The following MYCL variants were observed in gnomAD, a reference collection of about 807,000 sequenced individuals.
MYCL encodes the protein protein L-Myc.
In MYCL, 11 loss-of-function variants were observed where a neutral mutation model predicts 31.0. The ratio of observed to expected loss-of-function variants is 0.35; its 90% CI spans 0.22 to 0.59. The LOEUF is 0.59. Ranked by LOEUF, MYCL falls within the 20% of genes least tolerant of loss-of-function variation. The pLI is 0.79. For synonymous variants in MYCL, 208 were observed against 202.4 expected (o/e 1.03, Z -0.23); for missense variants, 427 against 486.1 (o/e 0.88, Z 1.14).
chr1:39,897,771 A>G lies in MYCL; in HGVS notation c.696T>C (p.Gly232=), dbSNP rs760180043. The G allele has an allele frequency of 1.1e-5, 18 of 1,613,446 alleles. No homozygotes were observed. The East Asian group carries it at 3.8e-4, about 34-fold the overall frequency. Residue 232 remains glycine (G), a synonymous_variant, in exon 2 of 2, where the codon GGT becomes GGC. Transcript: ENST00000372816. The surrounding 1 kb of genome is among the most constrained non-coding windows in gnomAD (Gnocchi z 4.3). The part of the protein sequence containing the change: ...SCSQEEASER[G]PQEEVLERDA... ...CTCTCTCCAGAACCTCTTCTTGGGG[A>G]CCCCTCTCTGAAGCCTCTTCTTGGG...
At position 39,895,774 on chromosome 1, in the gene MYCL, C is replaced by T. The variant is rs1644477103; in HGVS notation, c.*1598G>A. ...AGTCAGCTGGCTTTTGTAAACCATG[C>T]TCCAGAAGGGTAGAGAGGCTATTTC... is the stretch of plus-strand genomic sequence containing the variant. On this transcript the variant is annotated 3_prime_UTR_variant, in exon 2 of 2. Coordinates refer to ENST00000372816, the MANE Select transcript of MYCL (RefSeq NM_001033081.3). 4.4e-6 allele frequency: 1 copy of T among 226,708 alleles called. No homozygotes were observed. Among genetic ancestry groups the T allele is most frequent in the Admixed American group, 5.7e-5 (1 of 17,554 alleles). 14.0% of individuals were successfully genotyped at this position (226,708 alleles called of 1,614,324 possible).
At position 39,900,941 on chromosome 1, in the gene MYCL, G is replaced by A. The variant is rs1644530790; in HGVS notation, c.494C>T (p.Ser165Leu). ...ACSGSESPSD[S>L]ENEEIDVVTV... ...GGATGGCTCGGGGAGGTCCTTACCCGAGTCGCTTGGGCTCTCGGACCCGGA... is the reference window on the plus strand; with the variant it reads ...GGATGGCTCGGGGAGGTCCTTACCCAAGTCGCTTGGGCTCTCGGACCCGGA... The change falls in exon 1 of 2, where the codon TCG (serine) becomes TTG (leucine). Residue 165 changes from serine (S) to leucine (L), a missense_variant and splice_region_variant. Ser to Leu is a moderately radical substitution (Grantham distance 145, BLOSUM62 -2). Coordinates refer to ENST00000372816, the MANE Select transcript of MYCL (RefSeq NM_001033081.3). 1 of 1,501,384 alleles carries A rather than the reference G, an allele frequency of 6.7e-7. No homozygotes were observed. Among genetic ancestry groups the A allele is most frequent in the Non-Finnish European group, 8.9e-7 (1 of 1,126,246 alleles). The allele number at this position is 1,501,384 out of a possible 1,614,324, so 93.0% of individuals were successfully genotyped here.
rs373316793 is a variant in MYCL at position 39,897,957 on chromosome 1, A to T, written c.510T>A (p.Ile170=). The T allele has an allele frequency of 9.1e-5, 146 of 1,612,466 alleles. 1 individual carries two copies. Among genetic ancestry groups the T allele is most frequent in the Non-Finnish European group, 1.2e-4 (136 of 1,179,052 alleles). Residue 170 remains isoleucine, a synonymous_variant, in exon 2 of 2, where the codon ATT becomes ATA. Transcript: ENST00000372816. This position sits in a 1 kb window ranked among gnomAD's most constrained non-coding sequence, Gnocchi z 4.3. ...ESPSDSENEE[I]DVVTVEKRQS... is the part of the protein sequence containing the mutation. ...GCCTCTTCTCTACTGTCACAACATCAATTTCTTCATTCTCTGTCCGAGAAA... is the reference window on the plus strand; with the variant it reads ...GCCTCTTCTCTACTGTCACAACATCTATTTCTTCATTCTCTGTCCGAGAAA...
In MYCL at chr1:39,901,007, G is replaced by C. The variant is rs777173419; in HGVS notation, c.428C>G (p.Ala143Gly). Residue 143 changes from alanine to glycine, a missense_variant, in exon 1 of 2, where the codon GCC becomes GGC. Transcript: ENST00000372816. The surrounding 1 kb of genome is among the most constrained non-coding windows in gnomAD (Gnocchi z 6.9). ...PSLEAGNPAP[A>G]APCPLGEPKT... is the part of the protein sequence containing the mutation. Reference sequence around the variant, plus strand: ...GGGTTCGCCCAGCGGACAGGGGGCGGCGGGCGCCGGGTTGCCGGCTTCGAG... The same window carrying C: ...GGGTTCGCCCAGCGGACAGGGGGCGCCGGGCGCCGGGTTGCCGGCTTCGAG... 46 of 1,489,288 alleles carry C rather than the reference G, an allele frequency of 3.1e-5. No homozygotes were observed. The highest frequency in any genetic ancestry group is 3.7e-5 in the Non-Finnish European group (41 of 1,120,866). 92.3% of individuals were successfully genotyped at this position (1,489,288 alleles called of 1,614,324 possible).
At position 39,897,885 on chromosome 1, in the gene MYCL, G is replaced by C; in HGVS notation, c.582C>G (p.Asp194Glu). ...RKPVTITVRA[D>E]PLDPCMKHFH... ...AATGCTTCATGCAGGGATCCAGGGGGTCTGCTCGCACCGTGATGGTGACCG... is the reference window on the plus strand; with the variant it reads ...AATGCTTCATGCAGGGATCCAGGGGCTCTGCTCGCACCGTGATGGTGACCG... The change falls in exon 2 of 2, where the codon GAC (aspartate) becomes GAG (glutamate). Residue 194 changes from aspartate (D) to glutamate (E), a missense_variant. Transcript: ENST00000372816. The surrounding 1 kb of genome is among the most constrained non-coding windows in gnomAD (Gnocchi z 4.3). 6.2e-7 allele frequency: 1 copy of C among 1,614,158 alleles called. No individual in the cohort carries two copies. Among genetic ancestry groups the C allele is most frequent in the Admixed American group, 1.7e-5 (1 of 60,018 alleles).
chr1:39,900,608 G>T (rs776088770), intron 1 of MYCL: 65 of 1,240,706 alleles, frequency 5.2e-5, no homozygotes, highest in Non-Finnish European at 6.3e-5. Flanking sequence ...TTCAGGTTTG[G>T]AGTGTCTCTT....
chr1:39,897,897 C>T lies in MYCL; in HGVS notation c.570G>A (p.Thr190=), dbSNP rs376480511. 124 of 1,614,032 alleles carry T rather than the reference C, an allele frequency of 7.7e-5. No homozygotes were observed. Among genetic ancestry groups the T allele is most frequent in the Admixed American group, 1.0e-4 (6 of 59,992 alleles). The part of the protein sequence containing the change: ...SLGIRKPVTI[T]VRADPLDPCM... Reference sequence around the variant, plus strand: ...AGGGATCCAGGGGGTCTGCTCGCACCGTGATGGTGACCGGCTTCCGAATAC... The same window carrying T: ...AGGGATCCAGGGGGTCTGCTCGCACTGTGATGGTGACCGGCTTCCGAATAC... Residue 190 remains threonine, a synonymous_variant, in exon 2 of 2, where the codon ACG becomes ACA. Coordinates refer to ENST00000372816, the MANE Select transcript of MYCL (RefSeq NM_001033081.3). The surrounding 1 kb of genome is among the most constrained non-coding windows in gnomAD (Gnocchi z 4.3).
In MYCL at chr1:39,896,459, A is replaced by G. The variant is rs1644483679; in HGVS notation, c.*913T>C. 4.7e-6 allele frequency: 1 copy of G among 213,302 alleles called. No individual in the cohort carries two copies. Among genetic ancestry groups the G allele is most frequent in the Admixed American group, 5.9e-5 (1 of 17,046 alleles). 13.2% of individuals were successfully genotyped at this position (213,302 alleles called of 1,614,324 possible). ...TGTCTTACACCTGCCTTGAGAAAAG[A>G]CTGGGCCTCAAGTGCCCCTCGGAAA... On this transcript the variant is annotated 3_prime_UTR_variant, in exon 2 of 2. Transcript: ENST00000372816.
rs898341088 is a variant in MYCL at position 39,899,547 on chromosome 1, G to C, written c.496+1392C>G. The C allele has an allele frequency of 1.3e-5, 12 of 895,262 alleles. No homozygotes were observed. The African/African-American group carries it at 2.2e-4, about 16-fold the overall frequency. The allele number at this position is 895,262 out of a possible 1,614,324, so 55.5% of individuals were successfully genotyped here. ...CACATATCACCTTTGTAACGTTCTG[G>C]ATCTCAAACTAAAATGTCCAACTTC... On this transcript the variant is annotated intron_variant, in intron 1 of 1. Coordinates refer to ENST00000372816, the MANE Select transcript of MYCL (RefSeq NM_001033081.3).
At chr1:39,900,812 C>T in intron 1 of MYCL, 127 bp downstream of exon 1, 3 of 1,474,160 alleles carry the variant, frequency 2.0e-6, no homozygotes, top group Non-Finnish European at 2.7e-6. Flanking sequence ...ACACGGGCAG[C>T]TTCAGCCAAA....
rs1426262817 is a variant in MYCL, at chr1:39,896,036, A to G, written c.*1336T>C. 4.7e-6 allele frequency: 1 copy of G among 213,898 alleles called. No homozygotes were observed. Among genetic ancestry groups the G allele is most frequent in the African/African-American group, 2.3e-5 (1 of 44,312 alleles). 13.3% of individuals were successfully genotyped at this position (213,898 alleles called of 1,614,324 possible). On this transcript the variant is annotated 3_prime_UTR_variant, in exon 2 of 2. Transcript: ENST00000372816. ...CTTAGAGGTGCCTGAGGTTACCCAC[A>G]TGACAACTGCTAGGTTGGGTGACTT... is the stretch of plus-strand genomic sequence containing the variant.
chr1:39,901,480 C>A lies in MYCL; in HGVS notation c.-46G>T. ...AAGGGGGGACGTGCTGACCGGGTGC[C>A]GGCCGGGCGAAGGAGGTGTCCCCGG... On this transcript the variant is annotated 5_prime_UTR_variant, in exon 1 of 2. Coordinates refer to ENST00000372816, the MANE Select transcript of MYCL (RefSeq NM_001033081.3). The surrounding 1 kb of genome is among the most constrained non-coding windows in gnomAD (Gnocchi z 6.9). The A allele has an allele frequency of 6.3e-7, 1 of 1,590,758 alleles. No homozygotes were observed. Among genetic ancestry groups the A allele is most frequent in the East Asian group, 2.2e-5 (1 of 44,536 alleles).
In MYCL at chr1:39,901,697, G is replaced by C; in HGVS notation, c.-263C>G. ...CTTTGCCAGCGCCGCCCGGAGCGCA[G>C]CTCCCAGGGCCCGGCGGGGCCGGGC... On this transcript the variant is annotated 5_prime_UTR_variant, in exon 1 of 2. Transcript: ENST00000372816. The surrounding 1 kb of genome is among the most constrained non-coding windows in gnomAD (Gnocchi z 6.9). 2 of 1,249,152 alleles carry C rather than the reference G, an allele frequency of 1.6e-6. No individual in the cohort carries two copies. Among genetic ancestry groups the C allele is most frequent in the Non-Finnish European group, 2.0e-6 (2 of 1,000,332 alleles). The allele number at this position is 1,249,152 out of a possible 1,614,324, so 77.4% of individuals were successfully genotyped here.
At position 39,897,710 on chromosome 1, in the gene MYCL, C is replaced by T. The variant is rs376493390; in HGVS notation, c.757G>A (p.Glu253Lys). Residue 253 changes from glutamate to lysine, a missense_variant, in exon 2 of 2, where the codon GAG (glutamate) becomes AAG (lysine). Transcript: ENST00000372816. The surrounding 1 kb of genome is among the most constrained non-coding windows in gnomAD (Gnocchi z 4.3). ...TCTACAGGTGGGGGACTCACAATCT[C>T]TTCATCCTCCTCATCTTCCTTTTCC... is the stretch of plus-strand genomic sequence containing the variant. Reference protein sequence around the residue: ...AGEKEDEEDEEIVSPPPVESE... With the variant: ...AGEKEDEEDEKIVSPPPVESE... The T allele has an allele frequency of 1.9e-6, 3 of 1,614,090 alleles. No homozygotes were observed. Among genetic ancestry groups the T allele is most frequent in the African/African-American group, 2.7e-5 (2 of 74,932 alleles).
At chr1:39,899,877 T>C in intron 1 of MYCL, 1 of 985,408 alleles carries the variant, frequency 1.0e-6, no homozygotes, top group Non-Finnish European at 1.2e-6. Context: ...GGTCCTAATT[T>C]ATTTGTCACT....
chr1:39,897,640 T>A lies in MYCL; in HGVS notation c.827A>T (p.Asp276Val), dbSNP rs2124715416. The change falls in exon 2 of 2, where the codon GAT becomes GTT. Residue 276 changes from aspartate to valine, a missense_variant. Transcript: ENST00000372816. This position sits in a 1 kb window ranked among gnomAD's most constrained non-coding sequence, Gnocchi z 4.3. ...QSCHPKPVSS[D>V]TEDVTKRKNH... The stretch of plus-strand genomic sequence containing the variant: ...CTTCCTCTTGGTCACATCCTCAGTA[T>A]CAGAACTGACAGGTTTGGGGTGGCA... 1.2e-6 allele frequency: 2 copies of A among 1,614,198 alleles called. No homozygotes were observed. Among genetic ancestry groups the A allele is most frequent in the Non-Finnish European group, 1.7e-6 (2 of 1,180,044 alleles).
In MYCL at chr1:39,897,337, C is replaced by T. The variant is rs760067394; in HGVS notation, c.*35G>A. The T allele has an allele frequency of 5.9e-6, 9 of 1,531,448 alleles. No homozygotes were observed. The highest frequency in any genetic ancestry group is 2.8e-5 in the African/African-American group (2 of 72,084). 94.9% of individuals were successfully genotyped at this position (1,531,448 alleles called of 1,614,324 possible). The stretch of plus-strand genomic sequence containing the variant: ...GGGAGGTTAAAAAATAAACTTGTGT[C>T]TTCGTAAGACAGAACTGTCAGGCTT... On this transcript the variant is annotated 3_prime_UTR_variant, in exon 2 of 2. Coordinates refer to ENST00000372816, the MANE Select transcript of MYCL (RefSeq NM_001033081.3). This position sits in a 1 kb window ranked among gnomAD's most constrained non-coding sequence, Gnocchi z 4.3.
At chr1:39,898,739 C>A in intron 1 of MYCL, 2 of 985,484 alleles carry the variant, frequency 2.0e-6, no homozygotes, top group East Asian at 2.3e-4. Flanking sequence ...CATTTCCAAA[C>A]TACCTGCACC....
chr1:39,898,933 G>C (rs1486842276), intron 1 of MYCL: 1 of 985,318 alleles, frequency 1.0e-6, no homozygotes, highest in Admixed American at 6.1e-5. Flanking sequence ...CCTCCACACA[G>C]AAGTCCACCT....
Sources: allele counts gnomAD v4.1 joint callset, GRCh38; gene constraint gnomAD v4.1.1; non-coding constraint Gnocchi (gnomAD v3.1); transcripts MANE v1.5; gene names NCBI Gene and HGNC (gene_info 2026-07-23, HGNC 2026-07-21).